Variants in STXBP5 observed in about 807,000 individuals in gnomAD.
STXBP5 encodes the protein syntaxin-binding protein 5.
Under a neutral mutation model 152.4 loss-of-function variants are expected in STXBP5, and 50 were observed. The ratio of observed to expected loss-of-function variants is 0.33; its 90% CI spans 0.26 to 0.42. The LOEUF (loss-of-function observed/expected upper bound fraction) is 0.42, where lower values mean the gene tolerates loss of function less well. Ranked by LOEUF, STXBP5 falls within the 10% of genes least tolerant of loss-of-function variation. STXBP5 has a pLI of 1.00. For synonymous variants in STXBP5, 492 were observed against 494.7 expected, an observed-to-expected ratio of 0.99 and a Z score of 0.07; for missense variants, 1,167 against 1,388.6, an observed-to-expected ratio of 0.84 and a Z score of 2.54.
At position 147,325,214 on chromosome 6, in the gene STXBP5, A is replaced by C. The variant is rs1302616836; in HGVS notation, c.1928+130A>C. 4 of 903,988 alleles carry C rather than the reference A, an allele frequency of 4.4e-6. No homozygotes were observed. The African/African-American group carries it at 6.9e-5, about 16-fold the overall frequency. The allele number at this position is 903,988 out of a possible 1,614,324, so 56.0% of individuals were successfully genotyped here. ...TGGCATTCTACAATTTTGATTTCAG[A>C]CGAAATTGACTGTTTATTTGGAACA... On this transcript the variant is annotated intron_variant, in intron 17 of 27. Transcript: ENST00000321680.
intron 2 of STXBP5, among the ~76,000 whole-genome samples, chr6:147,230,659 CTG>C (rs148015603): frequency 1.6e-3 from 237 of 148,874 alleles, no homozygotes; most frequent in African/African-American, 5.2e-3. Flanking sequence ...ATATATTTTG[CTG>C]TGTGTGTGTG....
intron 11 of STXBP5, 128 bp from the exon 12 acceptor site, chr6:147,313,756 A>G: frequency 3.2e-6 from 2 of 624,032 alleles, no homozygotes; most frequent in Non-Finnish European, 4.8e-6. Flanking sequence ...TTTTAAATAT[A>G]TTTACAAAAA....
intron 22 of STXBP5, among the ~76,000 whole-genome samples, chr6:147,353,802 AATC>A (rs1382600449): frequency 6.6e-6 from 1 of 152,194 alleles, no homozygotes; most frequent in East Asian, 1.9e-4. Context: ...TCATAGCAAG[AATC>A]ATCGTTACTA....
intron 4 of STXBP5, among the ~76,000 whole-genome samples, chr6:147,254,202 C>T (rs1779244025): frequency 6.6e-6 from 1 of 152,148 alleles, no homozygotes; most frequent in African/African-American, 2.4e-5. Flanking sequence ...AAAGGATTCT[C>T]TATTTAATAA....
chr6:147,288,501 A>C (rs1421587562), intron 8 of STXBP5, among the ~76,000 whole-genome samples: 1 of 152,158 alleles, frequency 6.6e-6, no homozygotes, highest in Non-Finnish European at 1.5e-5. Context: ...TATTGGGTAG[A>C]TGATTTTTCA....
At chr6:147,370,368 AC>A (rs1294723036) in intron 25 of STXBP5, among the ~76,000 whole-genome samples, 2 of 152,042 alleles carry the variant, frequency 1.3e-5, no homozygotes, top group Non-Finnish European at 2.9e-5. Flanking sequence ...ACCAAATTGT[AC>A]ACCTCAAATA....
chr6:147,350,443 T>C (rs1190150819), intron 21 of STXBP5, among the ~76,000 whole-genome samples: 1 of 152,102 alleles, frequency 6.6e-6, no homozygotes, highest in African/African-American at 2.4e-5. Flanking sequence ...AAATAAACGT[T>C]CCTAATTGAT....
intron 9 of STXBP5, among the ~76,000 whole-genome samples, chr6:147,300,421 C>T (rs1781747570): frequency 6.6e-6 from 1 of 152,056 alleles, no homozygotes; most frequent in Non-Finnish European, 1.5e-5. Context: ...TGCTACAAAA[C>T]TGTGGTAATC....
chr6:147,248,331 A>G (rs1778915681), intron 4 of STXBP5, among the ~76,000 whole-genome samples: 1 of 152,162 alleles, frequency 6.6e-6, no homozygotes, highest in South Asian at 2.1e-4. Context: ...TGATAAACAG[A>G]ATGAGCTTTT....
intron 21 of STXBP5, among the ~76,000 whole-genome samples, chr6:147,340,844 G>A (rs1205648529): frequency 2.0e-5 from 3 of 152,022 alleles, no homozygotes; most frequent in Non-Finnish European, 1.5e-5. Context: ...ATTTATCAGT[G>A]TTGATAATGT....
At chr6:147,287,805 A>G (rs1196615152) in intron 8 of STXBP5, among the ~76,000 whole-genome samples, 1 of 152,136 alleles carries the variant, frequency 6.6e-6, no homozygotes, top group Non-Finnish European at 1.5e-5. Context: ...TACAATTTCC[A>G]CCCCGAAATA....
At chr6:147,342,709 A>C (rs1189820902) in intron 21 of STXBP5, among the ~76,000 whole-genome samples, 1 of 152,144 alleles carries the variant, frequency 6.6e-6, no homozygotes, top group Non-Finnish European at 1.5e-5. Context: ...GAAAGTATAG[A>C]GTTTCACAAA....
At chr6:147,372,401 CTTTTCCTTTTTTT>C (rs1785584207) in intron 25 of STXBP5, among the ~76,000 whole-genome samples, 1 of 9,610 alleles carries the variant, frequency 1.0e-4, no homozygotes, top group African/African-American at 4.2e-4. Context: ...TACTACCGTC[CTTTTCCTTTTTTT>C]TTTTTTTTTT....
At chr6:147,289,727 C>T (rs1357716440) in intron 8 of STXBP5, among the ~76,000 whole-genome samples, 2 of 150,446 alleles carry the variant, frequency 1.3e-5, no homozygotes, top group African/African-American at 2.4e-5. Flanking sequence ...ATTTAACAAT[C>T]AGCAAAAAGA....
chr6:147,325,734 G>GTC (rs916559219), intron 17 of STXBP5, among the ~76,000 whole-genome samples: 9 of 152,114 alleles, frequency 5.9e-5, no homozygotes, highest in African/African-American at 2.2e-4. Context: ...GTAGTTCATT[G>GTC]TCTCCTTGCT....
intron 21 of STXBP5, among the ~76,000 whole-genome samples, chr6:147,351,596 A>G (rs923186144): frequency 6.6e-5 from 10 of 152,182 alleles, no homozygotes; most frequent in African/African-American, 2.2e-4. Flanking sequence ...GACATCAACT[A>G]ACTGCAGATG....
intron 2 of STXBP5, among the ~76,000 whole-genome samples, chr6:147,218,955 T>C (rs1170239304): frequency 1.3e-5 from 2 of 152,240 alleles, no homozygotes; most frequent in East Asian, 1.9e-4. Flanking sequence ...TTTCCTTTGC[T>C]CATTGCATTA....
At chr6:147,299,451 C>T (rs1781695026) in intron 9 of STXBP5, among the ~76,000 whole-genome samples, 1 of 151,876 alleles carries the variant, frequency 6.6e-6, no homozygotes. Context: ...ATCAGTCTAC[C>T]TCAAACTGTT....
At chr6:147,346,434 G>A (rs1054613679) in intron 21 of STXBP5, among the ~76,000 whole-genome samples, 18 of 152,194 alleles carry the variant, frequency 1.2e-4, no homozygotes, top group African/African-American at 4.1e-4. Context: ...TTCCCCAGAA[G>A]TCATAAAAAT....
Sources: gnomAD v4.1 joint callset for allele counts (sites outside exome capture counted in the v4.1 genomes callset) on GRCh38, gnomAD v4.1.1 for gene constraint, MANE v1.5 for transcripts, NCBI Gene and HGNC (gene_info 2026-07-23, HGNC 2026-07-21) for gene names.